The following SNX6 variants were observed in gnomAD, a reference collection of about 807,000 sequenced individuals.
SNX6 encodes the protein sorting nexin 6, also known as sorting nexin-6.
A neutral mutation model predicts 63.0 loss-of-function variants in SNX6; 34 were observed. That is an observed-to-expected ratio of 0.54 (90% CI 0.41 to 0.72). SNX6 has a LOEUF of 0.72. SNX6 is among the 30% of genes least tolerant of loss of function. The pLI is 0.00. For missense variants in SNX6, 398 were observed against 471.4 expected (o/e 0.84, Z 1.44); for synonymous variants, 170 against 164.2 (o/e 1.04, Z -0.27).
chr14:34,588,355 T>C lies in SNX6; in HGVS notation c.719-2050A>G, dbSNP rs573150997. ...GCGAGGCTGACCTCGAACTCCTGACTTAATGTGATCCCCTTGCCTCAGCAT... is the reference window on the plus strand; with the variant it reads ...GCGAGGCTGACCTCGAACTCCTGACCTAATGTGATCCCCTTGCCTCAGCAT... On this transcript the variant is annotated intron_variant, in intron 8 of 13. Coordinates refer to ENST00000362031, the MANE Select transcript of SNX6 (RefSeq NM_152233.4). Among the ~76,000 whole-genome samples the C allele has an allele frequency of 3.9e-5, 6 of 152,004 alleles. No homozygotes were observed. In the South Asian group the frequency reaches 1.2e-3, roughly 32 times the overall value.
At position 34,576,459 on chromosome 14, in the gene SNX6, T is replaced by A. The variant is rs868646715; in HGVS notation, c.835-617A>T. Among the ~76,000 whole-genome samples the A allele has an allele frequency of 9.1e-3, 1,122 of 123,122 alleles. 6 individuals are homozygous for A. The highest frequency in any genetic ancestry group is 0.04 in the African/African-American group (1,039 of 25,670). 80.8% of individuals were successfully genotyped at this position (123,122 alleles called of 152,430 possible). ...CCATATATATATATATATATTTTTTTTTTTTTTGAGACAGAGTCTTACTCT... is the reference window on the plus strand; with the variant it reads ...CCATATATATATATATATATTTTTTATTTTTTTGAGACAGAGTCTTACTCT... On this transcript the variant is annotated intron_variant, in intron 10 of 13. Coordinates refer to ENST00000362031, the MANE Select transcript of SNX6 (RefSeq NM_152233.4).
intron 7 of SNX6, among the ~76,000 whole-genome samples, chr14:34,595,060 G>A (rs1882545614): frequency 6.6e-6 from 1 of 152,038 alleles, no homozygotes; most frequent in South Asian, 2.1e-4. Flanking sequence ...GCACTGCACA[G>A]CAGCCTAAGG....
At chr14:34,624,130 C>T (rs1156479233) in intron 2 of SNX6, among the ~76,000 whole-genome samples, 2 of 151,426 alleles carry the variant, frequency 1.3e-5, no homozygotes, top group African/African-American at 2.4e-5. Context: ...GAGACAGTTT[C>T]GCTCTTGTCG....
rs1178874871 is a variant in SNX6, at chr14:34,567,712, C to A, written c.1141G>T (p.Ala381Ser). 6.2e-7 allele frequency: 1 copy of A among 1,613,684 alleles called. No individual in the cohort carries two copies. ...AAFRKNLVEL[A>S]ELELKHAKGN... is the part of the protein sequence containing the mutation. The stretch of plus-strand genomic sequence containing the variant: ...TTTGCATGCTTCAGTTCTAACTCTG[C>A]CAGTTCCACTAAATTTTTTCTGAAT... The change falls in exon 13 of 14, where the codon GCA becomes TCA. Residue 381 changes from alanine to serine, a missense_variant. Coordinates refer to ENST00000362031, the MANE Select transcript of SNX6 (RefSeq NM_152233.4).
intron 8 of SNX6, among the ~76,000 whole-genome samples, chr14:34,587,457 C>A (rs562278355): frequency 3.5e-5 from 5 of 141,048 alleles, no homozygotes; most frequent in Non-Finnish European, 7.5e-5. Context: ...GGCGTGAACC[C>A]GGGAGGTGGA....
At chr14:34,625,518 T>G (rs1214570955) in intron 2 of SNX6, among the ~76,000 whole-genome samples, 3 of 151,806 alleles carry the variant, frequency 2.0e-5, no homozygotes, top group African/African-American at 7.3e-5. Flanking sequence ...AGATCCCCTG[T>G]GGTCAGGAGT....
At chr14:34,618,017 G>A (rs1166818194) in intron 2 of SNX6, among the ~76,000 whole-genome samples, 2 of 149,248 alleles carry the variant, frequency 1.3e-5, no homozygotes, top group African/African-American at 5.2e-5. Context: ...TAAGACGTCA[G>A]TTGTTCATAT....
chr14:34,574,418 G>A (rs1266069837), intron 11 of SNX6, among the ~76,000 whole-genome samples: 4 of 151,290 alleles, frequency 2.6e-5, no homozygotes, highest in Admixed American at 2.0e-4. Flanking sequence ...GGGAGGCCAA[G>A]GCATGCAGAT....
intron 2 of SNX6, among the ~76,000 whole-genome samples, chr14:34,623,905 T>C (rs1883723232): frequency 6.6e-6 from 1 of 152,176 alleles, no homozygotes; most frequent in Non-Finnish European, 1.5e-5. Flanking sequence ...GCACTGTTCT[T>C]ATTTAACAAG....
intron 2 of SNX6, 60 bp downstream of exon 2, chr14:34,629,847 G>T: frequency 3.2e-6 from 5 of 1,547,858 alleles, no homozygotes; most frequent in Non-Finnish European, 4.4e-6. Context: ...CCACACCCGG[G>T]GACCCAGGAT....
At chr14:34,579,865 A>T (rs940081296) in intron 10 of SNX6, among the ~76,000 whole-genome samples, 5 of 151,740 alleles carry the variant, frequency 3.3e-5, no homozygotes, top group Non-Finnish European at 5.9e-5. Flanking sequence ...CATGTTGCAC[A>T]TGCATTTATA....
intron 6 of SNX6, 137 bp from the exon 7 acceptor site, chr14:34,597,782 T>C: frequency 1.7e-6 from 1 of 580,508 alleles, no homozygotes; most frequent in Admixed American, 3.3e-5. Context: ...ATCATGCACA[T>C]CAATGATTTT....
chr14:34,629,586 G>A (rs952332781), intron 2 of SNX6: 3 of 620,384 alleles, frequency 4.8e-6, no homozygotes, highest in African/African-American at 3.6e-5. Flanking sequence ...GTCGAGGGAG[G>A]GTGGGGGCGT....
intron 11 of SNX6, chr14:34,569,022 G>C: frequency 6.9e-7 from 1 of 1,459,304 alleles, no homozygotes; most frequent in Non-Finnish European, 9.6e-7. Context: ...GCAGCTTGAC[G>C]GTGTCCACCC....
chr14:34,589,751 A>AG, intron 8 of SNX6, among the ~76,000 whole-genome samples: 1 of 152,072 alleles, frequency 6.6e-6, no homozygotes, highest in South Asian at 2.1e-4. Flanking sequence ...TGAACCCACG[A>AG]GACGGGGGTG....
rs1292644140 is a variant in SNX6 at position 34,567,891 on chromosome 14, A to G, written c.1044T>C (p.Cys348=). The G allele has an allele frequency of 6.2e-7, 1 of 1,614,098 alleles. No homozygotes were observed. The change falls in exon 12 of 14, where the codon TGT becomes TGC. Residue 348 remains cysteine (C), a synonymous_variant. Transcript: ENST00000362031. The part of the protein sequence containing the change: ...LQAETSQQLC[C]QKFEKISESA... ...ACTCAGATATTTTTTCAAATTTCTG[A>G]CAACATAATTGTTGGGAAGTTTCGG...
intron 10 of SNX6, among the ~76,000 whole-genome samples, chr14:34,576,287 T>C (rs1376232610): frequency 6.6e-6 from 1 of 151,968 alleles, no homozygotes; most frequent in Non-Finnish European, 1.5e-5. Context: ...GTTTAAAAAA[T>C]TGAAGTTTTA....
intron 2 of SNX6, among the ~76,000 whole-genome samples, chr14:34,627,921 G>A (rs568079541): frequency 5.3e-5 from 8 of 152,258 alleles, no homozygotes; most frequent in African/African-American, 9.6e-5. Context: ...GTGCCTGGCC[G>A]AAACTAAAAA....
chr14:34,601,819 T>G (rs1882827174), intron 6 of SNX6, among the ~76,000 whole-genome samples: 1 of 150,506 alleles, frequency 6.6e-6, no homozygotes, highest in South Asian at 2.1e-4. Context: ...CGTCTCGAAC[T>G]CCTGACCTCA....
Sources: allele counts gnomAD v4.1 joint callset (sites outside exome capture counted in the v4.1 genomes callset), GRCh38; gene constraint gnomAD v4.1.1; transcripts MANE v1.5; gene names NCBI Gene and HGNC (gene_info 2026-07-23, HGNC 2026-07-21).